The following KIAA1328 variants were observed in gnomAD, a reference collection of about 807,000 sequenced individuals.
The protein encoded by KIAA1328 is KIAA1328.
In KIAA1328, 52 loss-of-function variants were observed where a neutral mutation model predicts 68.1. The observed-to-expected ratio is 0.76, with a 90% CI of 0.61 to 0.96. The LOEUF (loss-of-function observed/expected upper bound fraction) is 0.96. Among genes scored for constraint, KIAA1328 ranks in the 40% least tolerant of loss-of-function variants. The pLI is 0.00. For synonymous variants in KIAA1328, 232 were observed against 239.4 expected (o/e 0.97, Z 0.28); for missense variants, 641 against 677.6 (o/e 0.95, Z 0.60).
chr18:37,070,509 G>T (rs1163021808), intron 7 of KIAA1328, among the ~76,000 whole-genome samples: 1 of 150,400 alleles, frequency 6.6e-6, no homozygotes, highest in Non-Finnish European at 1.5e-5. Flanking sequence ...TATGCATTAA[G>T]TTTGCTATGT....
intron 1 of KIAA1328, among the ~76,000 whole-genome samples, chr18:36,830,079 TG>T (rs1371028684): frequency 1.3e-5 from 2 of 152,204 alleles, no homozygotes; most frequent in Non-Finnish European, 2.9e-5. Flanking sequence ...GCTCTTTTTG[TG>T]TTTGCTAGGA....
At chr18:36,859,596 A>G (rs1380096346) in intron 4 of KIAA1328, among the ~76,000 whole-genome samples, 1 of 115,952 alleles carries the variant, frequency 8.6e-6, no homozygotes, top group Non-Finnish European at 1.7e-5. Flanking sequence ...TCTCACTCTC[A>G]CTCTCTCTTT....
At position 37,024,128 on chromosome 18, in the gene KIAA1328, T is replaced by C. The variant is rs951550265; in HGVS notation, c.577-42762T>C. Among the ~76,000 whole-genome samples, 3 of 152,048 alleles carry C rather than the reference T, an allele frequency of 2.0e-5. No individual in the cohort carries two copies. In the East Asian group the frequency reaches 5.8e-4, roughly 29 times the overall value. On this transcript the variant is annotated intron_variant, in intron 6 of 9. Transcript: ENST00000280020. ...CTCCTGCCTCAGCCTCCACAGTAGCTGGGACAGACACATTCCACCATGCCC... is the reference window on the plus strand; with the variant it reads ...CTCCTGCCTCAGCCTCCACAGTAGCCGGGACAGACACATTCCACCATGCCC...
intron 9 of KIAA1328, among the ~76,000 whole-genome samples, chr18:37,218,676 G>A (rs560358531): frequency 5.9e-5 from 9 of 152,234 alleles, no homozygotes; most frequent in African/African-American, 2.2e-4. Flanking sequence ...GTCATTTAAG[G>A]TCTTCTCTAC....
At chr18:36,973,830 T>TACACACACACACAC (rs111392122) in intron 6 of KIAA1328, among the ~76,000 whole-genome samples, 33,449 of 147,094 alleles carry the variant, frequency 0.23, 3,957 homozygotes, top group East Asian at 0.44. Context: ...CACACACACA[T>TACACACACACACAC]ACACACACAC....
At chr18:36,858,006 G>A (rs1000901505) in intron 4 of KIAA1328, among the ~76,000 whole-genome samples, 3 of 152,070 alleles carry the variant, frequency 2.0e-5, no homozygotes, top group African/African-American at 7.2e-5. Flanking sequence ...TGCCAATTAA[G>A]TCAAGTTGAT....
At chr18:37,177,088 A>G (rs1278176386) in intron 9 of KIAA1328, among the ~76,000 whole-genome samples, 1 of 152,218 alleles carries the variant, frequency 6.6e-6, no homozygotes, top group Non-Finnish European at 1.5e-5. Context: ...TACTTGCAAC[A>G]GGCAGAATTT....
chr18:36,987,824 GTTTTT>G (rs904941777), intron 6 of KIAA1328, among the ~76,000 whole-genome samples: 2 of 148,938 alleles, frequency 1.3e-5, no homozygotes, highest in African/African-American at 4.9e-5. Flanking sequence ...CAGTAATGCT[GTTTTT>G]TTTTGTTTTT....
In KIAA1328 at chr18:36,969,263, G is replaced by A. The variant is rs188249043; in HGVS notation, c.576+9828G>A. ...AAGAGCAAACCACCCCAAAGGAAGA[G>A]GTGACAGGAAATAGCCAAAATCAGA... On this transcript the variant is annotated intron_variant, in intron 6 of 9. Coordinates refer to ENST00000280020, the MANE Select transcript of KIAA1328 (RefSeq NM_020776.3). 1.1e-3 allele frequency among the ~76,000 whole-genome samples: 170 copies of A among 152,096 alleles called. 3 individuals are homozygous for A. The highest frequency in any genetic ancestry group is 4.0e-3 in the African/African-American group (165 of 41,516).
At chr18:36,862,496 A>G (rs1432959550) in intron 4 of KIAA1328, among the ~76,000 whole-genome samples, 1 of 152,046 alleles carries the variant, frequency 6.6e-6, no homozygotes. Flanking sequence ...ACTCAGCATA[A>G]TTCTCTTTAG....
chr18:36,925,030 G>A lies in KIAA1328; in HGVS notation c.449-34278G>A, dbSNP rs567862582. 6.6e-5 allele frequency: 10 copies of A among 152,226 alleles called. No homozygotes were observed. In the East Asian group the frequency reaches 1.7e-3, roughly 26 times the overall value. The allele number at this position is 152,226 out of a possible 1,614,324, so 9.4% of individuals were successfully genotyped here. A position where few individuals can be genotyped will look rare whatever the true frequency, so the allele number is the denominator to read the frequency against. On this transcript the variant is annotated intron_variant, in intron 5 of 9. Coordinates refer to ENST00000280020, the MANE Select transcript of KIAA1328 (RefSeq NM_020776.3). Reference sequence around the variant, plus strand: ...GCGTACCCTTTGGGAGAACTGATACGGCCTTCAGACCTGTAAGTTATATTT... The same window carrying A: ...GCGTACCCTTTGGGAGAACTGATACAGCCTTCAGACCTGTAAGTTATATTT...
At chr18:37,059,213 C>G (rs188865941) in intron 6 of KIAA1328, among the ~76,000 whole-genome samples, 2 of 152,072 alleles carry the variant, frequency 1.3e-5, no homozygotes, top group Admixed American at 1.3e-4. Context: ...AAACATTTGG[C>G]ATACTACATA....
intron 3 of KIAA1328, among the ~76,000 whole-genome samples, chr18:36,836,110 A>G (rs1283255651): frequency 6.6e-6 from 1 of 152,168 alleles, no homozygotes; most frequent in Non-Finnish European, 1.5e-5. Flanking sequence ...CAGACCTTTT[A>G]TAGAAAACTT....
chr18:36,852,485 A>G (rs2047245451), intron 4 of KIAA1328, among the ~76,000 whole-genome samples: 1 of 152,144 alleles, frequency 6.6e-6, no homozygotes, highest in African/African-American at 2.4e-5. Context: ...CGACCTAGGC[A>G]CAAGTGTTTC....
At chr18:37,091,610 C>T (rs1311145673) in intron 7 of KIAA1328, among the ~76,000 whole-genome samples, 3 of 152,158 alleles carry the variant, frequency 2.0e-5, no homozygotes, top group Non-Finnish European at 4.4e-5. Context: ...CAAGCAGCTG[C>T]ACCTCCCTGC....
At chr18:37,010,216 G>A (rs994252291) in intron 6 of KIAA1328, among the ~76,000 whole-genome samples, 5 of 151,790 alleles carry the variant, frequency 3.3e-5, no homozygotes, top group Admixed American at 6.6e-5. Context: ...AGGCCGAGGC[G>A]GGCGGATCAC....
At chr18:36,892,316 T>C (rs1360980366) in intron 5 of KIAA1328, among the ~76,000 whole-genome samples, 4 of 152,096 alleles carry the variant, frequency 2.6e-5, no homozygotes, top group African/African-American at 9.7e-5. Context: ...TTCTAGTCTT[T>C]GAAATAGTTT....
intron 6 of KIAA1328, among the ~76,000 whole-genome samples, chr18:36,998,472 T>G (rs1391225943): frequency 1.3e-5 from 2 of 152,186 alleles, no homozygotes; most frequent in Non-Finnish European, 2.9e-5. Flanking sequence ...GACGAAAAAT[T>G]GGCTTGCTGA....
intron 9 of KIAA1328, among the ~76,000 whole-genome samples, chr18:37,189,126 A>G (rs1161554658): frequency 6.6e-6 from 1 of 152,224 alleles, no homozygotes; most frequent in Non-Finnish European, 1.5e-5. Flanking sequence ...TCAAAAGAAG[A>G]AAACATTTCT....
Sources: gnomAD v4.1 joint callset for allele counts (sites outside exome capture counted in the v4.1 genomes callset) on GRCh38, gnomAD v4.1.1 for gene constraint, MANE v1.5 for transcripts, NCBI Gene and HGNC (gene_info 2026-07-23, HGNC 2026-07-21) for gene names.